The following ENPP2 variants were observed in gnomAD, a reference collection of about 807,000 sequenced individuals.
The protein encoded by ENPP2 is ectonucleotide pyrophosphatase/phosphodiesterase 2, also known as autotaxin.
In ENPP2, 51 loss-of-function variants were observed where a neutral mutation model predicts 120.2. The observed-to-expected ratio is 0.42, with a 90% CI of 0.34 to 0.54. The LOEUF (loss-of-function observed/expected upper bound fraction) is 0.54. Among genes scored for constraint, ENPP2 ranks in the 20% least tolerant of loss-of-function variants. ENPP2 has a pLI of 0.04. For missense variants in ENPP2, 920 were observed against 1,066.5 expected (o/e 0.86, Z 1.91); for synonymous variants, 365 against 366.4 (o/e 1.00, Z 0.04).
At chr8:119,624,611 G>C (rs1416599527) in intron 3 of ENPP2, among the ~76,000 whole-genome samples, 1 of 152,006 alleles carries the variant, frequency 6.6e-6, no homozygotes, top group African/African-American at 2.4e-5. Flanking sequence ...GTAAAACTCA[G>C]GGAAATATTC....
chr8:119,586,927 C>T, intron 14 of ENPP2, 117 bp downstream of exon 14: 1 of 776,914 alleles, frequency 1.3e-6, no homozygotes, highest in Non-Finnish European at 2.2e-6. Context: ...GATGGCAGGG[C>T]AGTGAGGAAA....
At chr8:119,608,689 TTACCAGCC>T in intron 8 of ENPP2, among the ~76,000 whole-genome samples, 1 of 152,198 alleles carries the variant, frequency 6.6e-6, no homozygotes, top group South Asian at 2.1e-4. Context: ...TTTCTGTCAC[TTACCAGCC>T]ATGTAGTCCT....
chr8:119,577,139 T>G (rs1199790699), intron 19 of ENPP2, among the ~76,000 whole-genome samples: 1 of 152,208 alleles, frequency 6.6e-6, no homozygotes, highest in Admixed American at 6.5e-5. Context: ...GAAGTGTGTA[T>G]AGCTCATGAC....
At chr8:119,644,667 TATAC>T (rs1166327680) in intron 1 of ENPP2, among the ~76,000 whole-genome samples, 7 of 144,260 alleles carry the variant, frequency 4.9e-5, no homozygotes, top group African/African-American at 1.8e-4. Flanking sequence ...TATATATATA[TATAC>T]ACACACACAT....
chr8:119,586,308 T>C lies in ENPP2; in HGVS notation c.1245A>G (p.Lys415=). The change falls in exon 15 of 25, where the codon AAA becomes AAG. Residue 415 remains lysine, a synonymous_variant. Transcript: ENST00000075322. The part of the protein sequence containing the change: ...PKAIIANLTC[K]KPDQHFKPYL... Reference sequence around the variant, plus strand: ...AAGGCTTAAAGTGCTGATCTGGTTTTTTACACTGAAATAGAAATGGAAATC... The same window carrying C: ...AAGGCTTAAAGTGCTGATCTGGTTTCTTACACTGAAATAGAAATGGAAATC... 2 of 1,613,820 alleles carry C rather than the reference T, an allele frequency of 1.2e-6. No homozygotes were observed. The highest frequency in any genetic ancestry group is 1.7e-6 in the Non-Finnish European group (2 of 1,179,826).
At chr8:119,618,821 C>A (rs1209597951) in intron 5 of ENPP2, among the ~76,000 whole-genome samples, 1 of 151,794 alleles carries the variant, frequency 6.6e-6, no homozygotes, top group South Asian at 2.1e-4. Flanking sequence ...GGTGTGTAAT[C>A]AATAAGTAAT....
Position 119,648,694 on chromosome 8 carries a change from G to A in ENPP2, c.22-10167C>T, listed in dbSNP as rs114380890. Among the ~76,000 whole-genome samples, 978 of 152,318 alleles carry A rather than the reference G, an allele frequency of 6.4e-3. 7 individuals carry two copies. The highest frequency in any genetic ancestry group is 0.023 in the African/African-American group (948 of 41,566). The stretch of plus-strand genomic sequence containing the variant: ...CCTTGCAATCATACAACAGTGAAGG[G>A]CATTCAACAAACTAGGAAGAGAGGA... On this transcript the variant is annotated intron_variant, in intron 1 of 25. Transcript: ENST00000427067.
At chr8:119,558,340 A>G (rs1813639026) in intron 24 of ENPP2, among the ~76,000 whole-genome samples, 1 of 152,166 alleles carries the variant, frequency 6.6e-6, no homozygotes, top group South Asian at 2.1e-4. Context: ...TTGACTTTTG[A>G]GGCCTCAGTT....
In ENPP2 at chr8:119,596,113, G is replaced by C. The variant is rs1385518287; in HGVS notation, c.973-2253C>G. The C allele has an allele frequency of 4.0e-6, 4 of 996,848 alleles. No homozygotes were observed. In the South Asian group the frequency reaches 6.9e-5, roughly 17 times the overall value. The allele number at this position is 996,848 out of a possible 1,614,324, so 61.8% of individuals were successfully genotyped here. ...TCAGCAGAGTCTCAGAATAACTAAG[G>C]CTCCTTAAGTGAGAAAAAATTGGAA... On this transcript the variant is annotated intron_variant, in intron 11 of 24. Coordinates refer to ENST00000075322, the MANE Select transcript of ENPP2 (RefSeq NM_001040092.3).
At chr8:119,585,741 C>T (rs970163994) in intron 15 of ENPP2, among the ~76,000 whole-genome samples, 2 of 151,968 alleles carry the variant, frequency 1.3e-5, no homozygotes, top group African/African-American at 4.8e-5. Context: ...GTAAAAAGTG[C>T]CCACAATAAC....
At chr8:119,618,804 G>A (rs539080809) in intron 5 of ENPP2, among the ~76,000 whole-genome samples, 9 of 151,946 alleles carry the variant, frequency 5.9e-5, no homozygotes, top group Non-Finnish European at 8.8e-5. Context: ...CAAGTGCTGG[G>A]ATTACAGGTG....
chr8:119,663,142 A>G (rs1817973336), intron 1 of ENPP2, among the ~76,000 whole-genome samples: 1 of 151,678 alleles, frequency 6.6e-6, no homozygotes, highest in Non-Finnish European at 1.5e-5. Flanking sequence ...AAAAAGAAAG[A>G]AAGAAAAAAG....
intron 24 of ENPP2, among the ~76,000 whole-genome samples, chr8:119,561,774 G>C (rs1007149426): frequency 6.6e-6 from 1 of 150,812 alleles, no homozygotes; most frequent in Non-Finnish European, 1.5e-5. Context: ...TTTCTTTCTC[G>C]CTTGCTCTTG....
At position 119,673,261 on chromosome 8, in the gene ENPP2, G is replaced by T. The variant is rs1045880058; in HGVS notation, c.12C>A (p.His4Gln). 40 of 1,535,040 alleles carry T rather than the reference G, an allele frequency of 2.6e-5. No homozygotes were observed. The African/African-American group carries it at 4.1e-4, about 16-fold the overall frequency. Reference sequence around the variant, plus strand: ...GAGGCGCATACCGTACCCGATCGGCGTGGCGGGTCATGCTGCGGGAGTCTC... The same window carrying T: ...GAGGCGCATACCGTACCCGATCGGCTTGGCGGGTCATGCTGCGGGAGTCTC... The change falls in exon 1 of 26, where the codon CAC (histidine) becomes CAA (glutamine). Residue 4 changes from histidine to glutamine, a missense_variant. Physicochemically the swap from His to Gln is conservative, Grantham distance 24. Transcript: ENST00000427067.
chr8:119,593,239 G>T (rs1813665128), intron 12 of ENPP2, among the ~76,000 whole-genome samples: 1 of 152,032 alleles, frequency 6.6e-6, no homozygotes, highest in African/African-American at 2.4e-5. Flanking sequence ...ATTACAGCAG[G>T]GCCTTCCGGT....
Position 119,557,243 on chromosome 8 carries a change from A to G in ENPP2, c.*278T>C, listed in dbSNP as rs1813541248. On this transcript the variant is annotated 3_prime_UTR_variant, in exon 25 of 25. Transcript: ENST00000075322. ...GTGGCAACTGTGCATTGGAAAATTA[A>G]TATTTCCTCAATGCAAATATCAAAT... 1 of 348,144 alleles carries G rather than the reference A, an allele frequency of 2.9e-6. No homozygotes were observed. Among genetic ancestry groups the G allele is most frequent in the African/African-American group, 2.2e-5 (1 of 46,016 alleles). The allele number at this position is 348,144 out of a possible 1,614,324, so 21.6% of individuals were successfully genotyped here.
At chr8:119,649,245 A>T (rs927100876) in intron 1 of ENPP2, among the ~76,000 whole-genome samples, 4 of 151,250 alleles carry the variant, frequency 2.6e-5, no homozygotes, top group Non-Finnish European at 5.9e-5. Flanking sequence ...TACAAAAAAA[A>T]AAAAAAAATA....
intron 1 of ENPP2, among the ~76,000 whole-genome samples, chr8:119,669,543 G>T (rs554310610): frequency 1.3e-5 from 2 of 152,266 alleles, no homozygotes; most frequent in South Asian, 4.1e-4. Flanking sequence ...AAAAAAGAAA[G>T]CATGCCTAAT....
In ENPP2 at chr8:119,630,958, G is replaced by C. The variant is rs926802934; in HGVS notation, c.137-4238C>G. Among the ~76,000 whole-genome samples, 3 of 147,606 alleles carry C rather than the reference G, an allele frequency of 2.0e-5. No individual in the cohort carries two copies. In the East Asian group the frequency reaches 6.1e-4, roughly 30 times the overall value. ...CACCCAGGCTGGAGTGTAATGGTGC[G>C]ATCTCGGCTCACTGCAACCCCCGCC... On this transcript the variant is annotated intron_variant, in intron 2 of 24. Transcript: ENST00000075322.
Sources: allele counts gnomAD v4.1 joint callset (sites outside exome capture counted in the v4.1 genomes callset), GRCh38; gene constraint gnomAD v4.1.1; transcripts MANE v1.5; gene names NCBI Gene and HGNC (gene_info 2026-07-23, HGNC 2026-07-21).